UGT2A1: variants seen among roughly 807,000 people sequenced by gnomAD.
The protein encoded by UGT2A1 is UDP-glucuronosyltransferase 2A1.
UGT2A1 carries 61 observed loss-of-function variants against 45.4 expected under a neutral mutation model. The observed-to-expected ratio is 1.34, with a 90% confidence interval of 1.09 to 1.66. The LOEUF is 1.66. UGT2A1 is among the 40% of genes most tolerant of loss of function. UGT2A1 has a pLI of 0.00. For missense variants in UGT2A1, 649 were observed against 574.3 expected, an observed-to-expected ratio of 1.13 and a Z score of -1.33; for synonymous variants, 229 against 196.2, an observed-to-expected ratio of 1.17 and a Z score of -1.40.
chr4:69,615,292 C>T (rs1720312949), intron 3 of UGT2A1, among the ~76,000 whole-genome samples: 1 of 151,958 alleles, frequency 6.6e-6, no homozygotes, highest in Non-Finnish European at 1.5e-5. Context: ...TGAGGAAACA[C>T]TAAGACAATG....
At position 69,647,288 on chromosome 4, in the gene UGT2A1, G is replaced by T; in HGVS notation, c.357C>A (p.His119Gln). ...QEMAKVIKDF[H>Q]MVSQEICDGV... Reference sequence around the variant, plus strand: ...CATCACAGATCTCCTGAGACACCATGTGGAAGTCCTTGATTACTTTGGCCA... The same window carrying T: ...CATCACAGATCTCCTGAGACACCATTTGGAAGTCCTTGATTACTTTGGCCA... Residue 119 changes from histidine (H) to glutamine (Q), a missense_variant, in exon 2 of 7, where the codon CAC (histidine) becomes CAA (glutamine). By Grantham distance (24) the His-to-Gln change is conservative. Coordinates refer to ENST00000286604, the MANE Select transcript of UGT2A1 (RefSeq NM_001252275.3). 1 of 1,613,402 alleles carries T rather than the reference G, an allele frequency of 6.2e-7. No homozygotes were observed. Among genetic ancestry groups the T allele is most frequent in the South Asian group, 1.1e-5 (1 of 91,038 alleles).
At chr4:69,639,235 C>G in intron 2 of UGT2A1, 1 of 1,613,670 alleles carries the variant, frequency 6.2e-7, no homozygotes, top group Non-Finnish European at 8.5e-7. Flanking sequence ...AGTACACCAT[C>G]ACAGAGTTGT....
intron 4 of UGT2A1, among the ~76,000 whole-genome samples, chr4:69,598,088 TTC>T (rs1474240557): frequency 6.6e-6 from 1 of 152,118 alleles, no homozygotes; most frequent in African/African-American, 2.4e-5. Flanking sequence ...TCATGAATAT[TTC>T]TGTGTCTTTA....
chr4:69,597,500 C>T lies in UGT2A1; in HGVS notation c.996+1746G>A, dbSNP rs78630918. 2.4e-4 allele frequency among the ~76,000 whole-genome samples: 36 copies of T among 152,226 alleles called. No homozygotes were observed. In the East Asian group the frequency reaches 6.9e-3, roughly 29 times the overall value. On this transcript the variant is annotated intron_variant, in intron 4 of 6. Coordinates refer to ENST00000286604, the MANE Select transcript of UGT2A1 (RefSeq NM_001252275.3). The stretch of plus-strand genomic sequence containing the variant: ...GAATGCTACTTTCTACAGATGTATC[C>T]TGCATTCCCTGTGCAAATATTTGTT...
intron 1 of UGT2A1, among the ~76,000 whole-genome samples, chr4:69,649,500 T>G (rs1212381927): frequency 1.3e-5 from 2 of 152,114 alleles, no homozygotes; most frequent in Non-Finnish European, 2.9e-5. Context: ...TAAAATATAG[T>G]ATTTTATTCA....
chr4:69,628,202 A>T (rs1482503506), intron 3 of UGT2A1, among the ~76,000 whole-genome samples: 3 of 152,082 alleles, frequency 2.0e-5, no homozygotes, highest in Middle Eastern at 6.8e-3. Flanking sequence ...AACAATCCAG[A>T]TTCAATGAAT....
chr4:69,596,354 C>T, intron 4 of UGT2A1: 1 of 1,602,532 alleles, frequency 6.2e-7, no homozygotes, highest in Non-Finnish European at 8.5e-7. Flanking sequence ...CCATTTTTAC[C>T]TGAGCTCTGG....
At chr4:69,611,725 A>G (rs987337859) in intron 3 of UGT2A1, among the ~76,000 whole-genome samples, 6 of 152,178 alleles carry the variant, frequency 3.9e-5, no homozygotes, top group South Asian at 2.1e-4. Flanking sequence ...AGAAAATAAA[A>G]ATCAGCACAC....
intron 2 of UGT2A1, chr4:69,639,473 A>C: frequency 6.2e-7 from 1 of 1,613,080 alleles, no homozygotes. Flanking sequence ...TCACATTGTG[A>C]TTTCTTTGAA....
chr4:69,651,307 T>G (rs1018483158), intron 1 of UGT2A1, among the ~76,000 whole-genome samples: 2 of 152,156 alleles, frequency 1.3e-5, no homozygotes, highest in African/African-American at 4.8e-5. Flanking sequence ...TAATCTGCCC[T>G]TGCCAGAAAA....
chr4:69,638,467 G>C (rs1371792649), intron 2 of UGT2A1, among the ~76,000 whole-genome samples: 1 of 152,098 alleles, frequency 6.6e-6, no homozygotes, highest in Admixed American at 6.6e-5. Flanking sequence ...GTAAACTCCA[G>C]TTTTCTATTG....
intron 3 of UGT2A1, among the ~76,000 whole-genome samples, chr4:69,629,688 C>G (rs899688673): frequency 1.3e-5 from 2 of 152,050 alleles, no homozygotes. Context: ...TCCTGTACAA[C>G]TCTACTGGAA....
At chr4:69,589,680 A>T in intron 6 of UGT2A1, 29 bp from the exon 7 acceptor site, 2 of 1,567,976 alleles carry the variant, frequency 1.3e-6, no homozygotes, top group Non-Finnish European at 1.7e-6. Context: ...GGCAGAAATT[A>T]GACAATTTTT....
At chr4:69,590,716 C>T (rs1284185518) in intron 6 of UGT2A1, among the ~76,000 whole-genome samples, 1 of 151,884 alleles carries the variant, frequency 6.6e-6, no homozygotes, top group Non-Finnish European at 1.5e-5. Flanking sequence ...TCACATGGAT[C>T]ATCCGAATAT....
At chr4:69,616,881 C>T (rs192257413) in intron 3 of UGT2A1, among the ~76,000 whole-genome samples, 32 of 143,024 alleles carry the variant, frequency 2.2e-4, no homozygotes, top group Non-Finnish European at 3.8e-4. Context: ...CATTTTCCCA[C>T]TTGAAATTGC....
At chr4:69,592,865 T>C (rs536511021) in intron 6 of UGT2A1, among the ~76,000 whole-genome samples, 52 of 152,218 alleles carry the variant, frequency 3.4e-4, no homozygotes, top group African/African-American at 1.3e-3. Context: ...TAGATTAACA[T>C]TGTTGTAAAG....
intron 3 of UGT2A1, among the ~76,000 whole-genome samples, chr4:69,613,931 T>G (rs1187613228): frequency 1.3e-5 from 2 of 152,136 alleles, no homozygotes; most frequent in African/African-American, 2.4e-5. Flanking sequence ...GTAGGATATG[T>G]GCTTTCACAA....
Position 69,618,187 on chromosome 4 carries a change from ATG to A in UGT2A1, c.847+17502_847+17503del, listed in dbSNP as rs72430246. On this transcript the variant is annotated intron_variant, in intron 3 of 6. Coordinates refer to ENST00000286604, the MANE Select transcript of UGT2A1 (RefSeq NM_001252275.3). ...TTCACAGATAAATAGGCCAGTAAGC[ATG>A]TGTGTGTGTGTGTGTGTGTGTGTGT... is the stretch of plus-strand genomic sequence containing the variant. 4.0e-3 allele frequency among the ~76,000 whole-genome samples: 571 copies of A among 144,422 alleles called. 1 individual carries two copies. Among genetic ancestry groups the A allele is most frequent in the South Asian group, 0.011 (51 of 4,474 alleles). The allele number at this position is 144,422 out of a possible 152,430, so 94.7% of individuals were successfully genotyped here.
Position 69,589,239 on chromosome 4 carries a change from A to T in UGT2A1, c.*133T>A. ...CTTTATCAGTAGGCTTATCGCAGGTAGAGAAATAGAAAATTTGGAAACAGG... is the reference window on the plus strand; with the variant it reads ...CTTTATCAGTAGGCTTATCGCAGGTTGAGAAATAGAAAATTTGGAAACAGG... On this transcript the variant is annotated 3_prime_UTR_variant, in exon 7 of 7. Transcript: ENST00000286604. The T allele has an allele frequency of 8.6e-7, 1 of 1,169,032 alleles. No homozygotes were observed. The highest frequency in any genetic ancestry group is 1.2e-6 in the Non-Finnish European group (1 of 869,230). 72.4% of individuals were successfully genotyped at this position (1,169,032 alleles called of 1,614,324 possible).
Sources: allele counts gnomAD v4.1 joint callset (sites outside exome capture counted in the v4.1 genomes callset), GRCh38; gene constraint gnomAD v4.1.1; transcripts MANE v1.5; gene names NCBI Gene and HGNC (gene_info 2026-07-23, HGNC 2026-07-21).